The following TULP4 variants were observed in gnomAD, a reference collection of about 807,000 sequenced individuals.
The protein encoded by TULP4 is TUB like protein 4, also known as tubby-related protein 4.
TULP4 carries 16 observed loss-of-function variants against 129.0 expected under a neutral mutation model. The observed-to-expected ratio is 0.12, with a 90% CI of 0.08 to 0.19. The LOEUF is 0.19. TULP4 is among the 10% of genes least tolerant of loss of function. The probability of loss-of-function intolerance (pLI) is 1.00; values close to 1 mark genes in which losing one functional copy is unlikely to be tolerated. For missense variants in TULP4, 1,842 were observed against 2,059.1 expected, an observed-to-expected ratio of 0.89 and a Z score of 2.04; for synonymous variants, 998 against 854.0, an observed-to-expected ratio of 1.17 and a Z score of -2.94.
At chr6:158,354,120 A>T (rs1780587658) in intron 1 of TULP4, among the ~76,000 whole-genome samples, 1 of 152,234 alleles carries the variant, frequency 6.6e-6, no homozygotes, top group African/African-American at 2.4e-5. Context: ...AGGAATCTTC[A>T]GAGTAATTGT....
intron 1 of TULP4, among the ~76,000 whole-genome samples, chr6:158,380,894 CAAAAAA>C (rs1227720723): frequency 9.7e-5 from 7 of 72,250 alleles, no homozygotes; most frequent in South Asian, 5.7e-4. Flanking sequence ...ACTCTGTCTC[CAAAAAA>C]AAAAAAAAAA....
intron 1 of TULP4, among the ~76,000 whole-genome samples, chr6:158,295,750 G>T (rs1356674443): frequency 6.6e-6 from 1 of 152,188 alleles, no homozygotes; most frequent in Non-Finnish European, 1.5e-5. Flanking sequence ...AATTAGCCGG[G>T]CCTGGTGGCG....
In TULP4 at chr6:158,411,086, G is replaced by A. The variant is rs1312748102; in HGVS notation, c.253-1979G>A. On this transcript the variant is annotated intron_variant, in intron 1 of 13. Coordinates refer to ENST00000367097, the MANE Select transcript of TULP4 (RefSeq NM_020245.5). ...CCAGCCGGTTGTCCTGGCGTACAAG[G>A]AGGCGAGGCTATGCGGTCGAGGCCA... is the stretch of plus-strand genomic sequence containing the variant. Among the ~76,000 whole-genome samples, 4 of 148,636 alleles carry A rather than the reference G, an allele frequency of 2.7e-5. No individual in the cohort carries two copies. The South Asian group carries it at 8.5e-4, about 32-fold the overall frequency.
chr6:158,303,093 G>A (rs909847022), intron 1 of TULP4, among the ~76,000 whole-genome samples: 1 of 149,424 alleles, frequency 6.7e-6, no homozygotes, highest in Admixed American at 6.7e-5. Flanking sequence ...GTGCAGGTGG[G>A]CTGTTGTTCA....
intron 1 of TULP4, among the ~76,000 whole-genome samples, chr6:158,395,535 C>T (rs1212717881): frequency 3.3e-5 from 5 of 149,492 alleles, no homozygotes; most frequent in African/African-American, 9.9e-5. Context: ...GAGCTGAGAG[C>T]GTGCCATTTC....
chr6:158,423,130 G>GGA (rs1778390842), intron 2 of TULP4, among the ~76,000 whole-genome samples: 1 of 151,160 alleles, frequency 6.6e-6, no homozygotes, highest in South Asian at 2.1e-4. Context: ...AGAGGGGGGG[G>GGA]GGGGGAAAGA....
At chr6:158,355,214 G>A (rs1013130635) in intron 1 of TULP4, among the ~76,000 whole-genome samples, 10 of 152,042 alleles carry the variant, frequency 6.6e-5, no homozygotes, top group Non-Finnish European at 1.3e-4. Flanking sequence ...TGGGACTACA[G>A]GAATGTGTCC....
At chr6:158,475,918 T>C (rs925396280) in intron 6 of TULP4, among the ~76,000 whole-genome samples, 3 of 152,180 alleles carry the variant, frequency 2.0e-5, no homozygotes. Context: ...ATGTGACTTT[T>C]AAAAAGTAAG....
intron 1 of TULP4, among the ~76,000 whole-genome samples, chr6:158,326,686 C>T (rs1031487181): frequency 2.6e-5 from 4 of 152,172 alleles, no homozygotes; most frequent in Admixed American, 2.6e-4. Flanking sequence ...TTTGTCTTCA[C>T]ATTTCCAGAG....
intron 11 of TULP4, among the ~76,000 whole-genome samples, chr6:158,496,016 C>T (rs1780329186): frequency 6.6e-6 from 1 of 152,126 alleles, no homozygotes; most frequent in East Asian, 1.9e-4. Flanking sequence ...TCGGATCTGC[C>T]CTCCTGCCCA....
chr6:158,486,881 C>T (rs1284480602), intron 8 of TULP4, among the ~76,000 whole-genome samples: 1 of 151,954 alleles, frequency 6.6e-6, no homozygotes, highest in Non-Finnish European at 1.5e-5. Context: ...GAGGCCAAGG[C>T]GGGAGGATTG....
intron 1 of TULP4, among the ~76,000 whole-genome samples, chr6:158,371,232 C>T (rs1226515323): frequency 6.6e-6 from 1 of 152,180 alleles, no homozygotes; most frequent in Non-Finnish European, 1.5e-5. Context: ...TAACATTCTT[C>T]CACAATTCTA....
chr6:158,242,902 C>G, intron 1 of TULP4: 1 of 185,774 alleles, frequency 5.4e-6, no homozygotes, highest in South Asian at 1.2e-4. Context: ...CTCCTTGCCC[C>G]AGCTTCCCAA....
chr6:158,471,227 G>A (rs1779674913), intron 6 of TULP4, among the ~76,000 whole-genome samples: 1 of 152,178 alleles, frequency 6.6e-6, no homozygotes, highest in Admixed American at 6.5e-5. Context: ...TAAAAAGGCA[G>A]GATGAAAAGC....
At chr6:158,462,435 G>T (rs939907569) in intron 6 of TULP4, among the ~76,000 whole-genome samples, 1 of 148,694 alleles carries the variant, frequency 6.7e-6, no homozygotes, top group Non-Finnish European at 1.5e-5. Context: ...GTGCCGTAGC[G>T]CATTCTTGGC....
chr6:158,331,722 C>T (rs60879054), intron 1 of TULP4, among the ~76,000 whole-genome samples: 12,644 of 36,276 alleles, frequency 0.35, 4,586 homozygotes, highest in East Asian at 0.54. Context: ...CACACACACA[C>T]ACACACATAC....
Position 158,418,123 on chromosome 6 carries a change from G to A in TULP4, c.381+4930G>A, listed in dbSNP as rs544379929. On this transcript the variant is annotated intron_variant, in intron 2 of 13. Transcript: ENST00000367097. Reference sequence around the variant, plus strand: ...TGTTTTTTTTTTTTTTTTTGGGAGCGGGGGAGACAGGGTCTCTCTGTCACC... The same window carrying A: ...TGTTTTTTTTTTTTTTTTTGGGAGCAGGGGAGACAGGGTCTCTCTGTCACC... Among the ~76,000 whole-genome samples the A allele has an allele frequency of 5.7e-4, 60 of 106,066 alleles. 1 individual carries two copies. The East Asian group carries it at 5.8e-3, about 10-fold the overall frequency. The allele number at this position is 106,066 out of a possible 152,430, so 69.6% of individuals were successfully genotyped here.
At chr6:158,283,218 A>G (rs909726154) in intron 1 of TULP4, among the ~76,000 whole-genome samples, 1 of 152,072 alleles carries the variant, frequency 6.6e-6, no homozygotes, top group African/African-American at 2.4e-5. Context: ...CCATGGCTCT[A>G]TGGCTTCTTT....
chr6:158,238,959 G>C (rs62437140), intron 1 of TULP4, among the ~76,000 whole-genome samples: 14,841 of 131,034 alleles, frequency 0.11, 435 homozygotes, highest in Non-Finnish European at 0.17. Context: ...TCCCAGACGG[G>C]GTGGTGGCCG....
Sources: allele counts gnomAD v4.1 joint callset (sites outside exome capture counted in the v4.1 genomes callset), GRCh38; gene constraint gnomAD v4.1.1; transcripts MANE v1.5; gene names NCBI Gene and HGNC (gene_info 2026-07-23, HGNC 2026-07-21).